HSD17B12: variants seen among roughly 807,000 people sequenced by gnomAD.
HSD17B12 encodes very-long-chain 3-oxoacyl-CoA reductase.
Under a neutral mutation model 39.3 loss-of-function variants are expected in HSD17B12, and 32 were observed. The observed-to-expected ratio is 0.81, with a 90% CI of 0.61 to 1.09. The LOEUF is 1.09. HSD17B12 is among the 50% of genes least tolerant of loss of function. The pLI, the probability that HSD17B12 is intolerant of heterozygous loss-of-function variation, is 0.00. For missense variants in HSD17B12, 342 were observed against 382.9 expected, an observed-to-expected ratio of 0.89 and a Z score of 0.89; for synonymous variants, 150 against 146.7, an observed-to-expected ratio of 1.02 and a Z score of -0.16.
the HSD17B12 span, among the ~76,000 whole-genome samples, chr11:43,609,083 C>G: frequency 6.6e-6 from 1 of 151,818 alleles, no homozygotes; most frequent in South Asian, 2.1e-4. Flanking sequence ...TGCGCACCAC[C>G]ATGCCCAGTT....
chr11:43,729,350 G>A (rs892243948), intron 1 of HSD17B12, among the ~76,000 whole-genome samples: 1 of 152,176 alleles, frequency 6.6e-6, no homozygotes, highest in African/African-American at 2.4e-5. Flanking sequence ...ATGTTAAATA[G>A]CAGATAGTAT....
intron 1 of HSD17B12, among the ~76,000 whole-genome samples, chr11:43,705,800 G>C (rs1229200664): frequency 3.1e-5 from 3 of 97,900 alleles, no homozygotes; most frequent in Non-Finnish European, 5.5e-5. Flanking sequence ...ATAGGGTCTT[G>C]CTCTGTCACC....
chr11:43,654,799 C>A, the HSD17B12 span, among the ~76,000 whole-genome samples: 1 of 152,140 alleles, frequency 6.6e-6, no homozygotes, highest in African/African-American at 2.4e-5. Flanking sequence ...GTTACTGTAG[C>A]CTTGTAATAT....
At chr11:43,624,324 G>A in the HSD17B12 span, among the ~76,000 whole-genome samples, 3 of 151,992 alleles carry the variant, frequency 2.0e-5, no homozygotes, top group South Asian at 2.1e-4. Context: ...ATATGCAAAC[G>A]TTACATTAGT....
intron 1 of HSD17B12, chr11:43,734,381 A>G: frequency 1.2e-6 from 1 of 851,022 alleles, no homozygotes; most frequent in Non-Finnish European, 2.0e-6. Flanking sequence ...AAAGGCGGCC[A>G]TCATCTCTGC....
chr11:43,641,271 A>G, the HSD17B12 span, among the ~76,000 whole-genome samples: 1 of 151,824 alleles, frequency 6.6e-6, no homozygotes, highest in Non-Finnish European at 1.5e-5. Context: ...GCACTTTCTC[A>G]TAGCCTGAAT....
chr11:43,804,524 C>G (rs749912934), intron 4 of HSD17B12, among the ~76,000 whole-genome samples: 8 of 152,174 alleles, frequency 5.3e-5, no homozygotes, highest in African/African-American at 1.4e-4. Context: ...TCTTTTCTTC[C>G]TGTGCCCTTT....
intron 3 of HSD17B12, among the ~76,000 whole-genome samples, chr11:43,793,150 G>T (rs1459617595): frequency 6.6e-6 from 1 of 152,154 alleles, no homozygotes. Context: ...GAGAGTGGAA[G>T]TAGCTTTACC....
the HSD17B12 span, among the ~76,000 whole-genome samples, chr11:43,619,247 T>TATATATATATATAAA: frequency 2.0e-5 from 1 of 50,296 alleles, no homozygotes; most frequent in Non-Finnish European, 4.0e-5. Context: ...ATATATAAAA[T>TATATATATATATAAA]ATATATATAT....
chr11:43,745,230 G>C (rs2134925783), intron 1 of HSD17B12, among the ~76,000 whole-genome samples: 1 of 152,244 alleles, frequency 6.6e-6, no homozygotes, highest in African/African-American at 2.4e-5. Flanking sequence ...ATGGTATGCT[G>C]GTTTTTAGAT....
the HSD17B12 span, among the ~76,000 whole-genome samples, chr11:43,674,234 A>G: frequency 5.8e-4 from 89 of 152,330 alleles, no homozygotes; most frequent in Non-Finnish European, 1.9e-4. Context: ...ATTTCAGCAC[A>G]GAATACTGCT....
chr11:43,853,910 G>C (rs1462084040), intron 9 of HSD17B12: 1 of 152,146 alleles, frequency 6.6e-6, no homozygotes, highest in Admixed American at 6.6e-5. Flanking sequence ...AACTACAGAA[G>C]GACCTCTTGT....
At chr11:43,717,198 T>C (rs529162034) in intron 1 of HSD17B12, among the ~76,000 whole-genome samples, 347 of 152,328 alleles carry the variant, frequency 2.3e-3, no homozygotes, top group Non-Finnish European at 3.9e-3. Flanking sequence ...AGGCCTGTTT[T>C]TGTTCCTCTT....
At chr11:43,640,537 A>T in the HSD17B12 span, among the ~76,000 whole-genome samples, 2 of 152,096 alleles carry the variant, frequency 1.3e-5, no homozygotes, top group Non-Finnish European at 2.9e-5. Context: ...GCCTTTCGAA[A>T]CTTAGAAATT....
chr11:43,797,310 G>A (rs1469852464), intron 3 of HSD17B12, among the ~76,000 whole-genome samples: 1 of 152,204 alleles, frequency 6.6e-6, no homozygotes, highest in African/African-American at 2.4e-5. Context: ...TTCTCAGCAA[G>A]TTCTAAAGAA....
rs369637023 is a variant in HSD17B12 at position 43,709,408 on chromosome 11, G to A, written c.160+28421G>A. On this transcript the variant is annotated intron_variant, in intron 1 of 10. Transcript: ENST00000278353. ...CCCAAAGTGTTGGGATTACAGGCGT[G>A]AGCCACTGCACCTGGCCCATAAGCA... is the stretch of plus-strand genomic sequence containing the variant. Among the ~76,000 whole-genome samples, 21 of 152,384 alleles carry A rather than the reference G, an allele frequency of 1.4e-4. No individual in the cohort carries two copies. In the East Asian group the frequency reaches 2.3e-3, roughly 17 times the overall value.
the HSD17B12 span, among the ~76,000 whole-genome samples, chr11:43,656,378 G>A: frequency 4.5e-4 from 68 of 152,136 alleles, no homozygotes. Context: ...TTTTTTGAAG[G>A]GTTTTTTGTG....
the HSD17B12 span, among the ~76,000 whole-genome samples, chr11:43,560,991 C>T: frequency 1.3e-5 from 2 of 152,236 alleles, no homozygotes; most frequent in African/African-American, 4.8e-5. Flanking sequence ...GCAAGTCCCA[C>T]TCTGTGAAAA....
chr11:43,792,369 A>G (rs1950875697), intron 3 of HSD17B12, among the ~76,000 whole-genome samples: 1 of 152,196 alleles, frequency 6.6e-6, no homozygotes. Flanking sequence ...TTTTATGGTT[A>G]CAAACTGAAT....
Sources: allele counts gnomAD v4.1 joint callset (sites outside exome capture counted in the v4.1 genomes callset), GRCh38; gene constraint gnomAD v4.1.1; transcripts MANE v1.5; gene names NCBI Gene and HGNC (gene_info 2026-07-23, HGNC 2026-07-21).